ATRNL1: variants seen among roughly 807,000 people sequenced by gnomAD.
The protein encoded by ATRNL1 is attractin-like protein 1.
A neutral mutation model predicts 182.7 loss-of-function variants in ATRNL1; 95 were observed. The observed-to-expected ratio is 0.52, with a 90% CI of 0.44 to 0.62. The LOEUF (loss-of-function observed/expected upper bound fraction) is 0.62. Among genes scored for constraint, ATRNL1 ranks in the 20% least tolerant of loss-of-function variants. ATRNL1 has a pLI of 0.00. For synonymous variants in ATRNL1, 576 were observed against 568.3 expected, an observed-to-expected ratio of 1.01 and a Z score of -0.19; for missense variants, 1,471 against 1,679.5, an observed-to-expected ratio of 0.88 and a Z score of 2.17.
intron 27 of ATRNL1, among the ~76,000 whole-genome samples, chr10:115,772,008 T>C (rs555808507): frequency 2.7e-4 from 41 of 152,328 alleles, no homozygotes; most frequent in Admixed American, 1.7e-3. Flanking sequence ...CTGAACATAT[T>C]GAACACCATC....
At chr10:115,499,240 A>G (rs377410583) in intron 24 of ATRNL1, among the ~76,000 whole-genome samples, 1 of 152,190 alleles carries the variant, frequency 6.6e-6, no homozygotes, top group Non-Finnish European at 1.5e-5. Context: ...TCAAGAAATT[A>G]TACTCTTCAA....
rs556820913 is a variant in ATRNL1, at chr10:115,898,221, G to A, written c.4019-46437G>A. Among the ~76,000 whole-genome samples, 134 of 152,206 alleles carry A rather than the reference G, an allele frequency of 8.8e-4. 2 individuals carry two copies. The highest frequency in any genetic ancestry group is 4.0e-4 in the Non-Finnish European group (27 of 68,008). ...ATTACAGGCATGAGCCACTATGCCC[G>A]GTCCCCTTTTATTTCTTTGATAGGT... On this transcript the variant is annotated intron_variant, in intron 28 of 28. Transcript: ENST00000355044.
In ATRNL1 at chr10:115,156,039, C is replaced by T. The variant is rs782779379; in HGVS notation, c.830-4001C>T. On this transcript the variant is annotated intron_variant, in intron 5 of 28. Transcript: ENST00000355044. ...GGACTAGAGTAAGATCTTGATGTGC[C>T]GTGTTGTGCCAGGCATTACCCCTCT... 3.3e-5 allele frequency among the ~76,000 whole-genome samples: 5 copies of T among 152,026 alleles called. No individual in the cohort carries two copies. The East Asian group carries it at 5.8e-4, about 18-fold the overall frequency.
At chr10:115,881,073 C>T (rs1225361463) in intron 28 of ATRNL1, among the ~76,000 whole-genome samples, 7 of 152,178 alleles carry the variant, frequency 4.6e-5, no homozygotes, top group African/African-American at 1.4e-4. Flanking sequence ...GCCCTCAATG[C>T]GTGGCCTGTC....
chr10:115,253,782 T>C (rs892342493), intron 10 of ATRNL1, among the ~76,000 whole-genome samples: 33 of 152,152 alleles, frequency 2.2e-4, no homozygotes, highest in African/African-American at 7.9e-4. Context: ...ATGCTATCCA[T>C]CCCCAGGCCC....
intron 21 of ATRNL1, among the ~76,000 whole-genome samples, chr10:115,461,070 A>G (rs1847772748): frequency 6.6e-6 from 1 of 152,158 alleles, no homozygotes; most frequent in South Asian, 2.1e-4. Flanking sequence ...ATGCCTTAAT[A>G]GTTTTAAAAA....
At chr10:115,403,793 T>C (rs1844695817) in intron 20 of ATRNL1, among the ~76,000 whole-genome samples, 1 of 152,236 alleles carries the variant, frequency 6.6e-6, no homozygotes. Context: ...GGTTGTTTTG[T>C]TGCTGTATTT....
At chr10:115,356,989 T>C (rs1320203080) in intron 19 of ATRNL1, among the ~76,000 whole-genome samples, 5 of 151,926 alleles carry the variant, frequency 3.3e-5, no homozygotes, top group African/African-American at 1.2e-4. Context: ...GAAACTATTA[T>C]TTTGTCTAAG....
intron 24 of ATRNL1, 56 bp from the exon 25 acceptor site, chr10:115,519,207 C>A: frequency 7.2e-7 from 1 of 1,383,430 alleles, no homozygotes; most frequent in South Asian, 1.2e-5. Context: ...CATGAAATAT[C>A]ACCACAGGTT....
At chr10:115,106,356 T>TA (rs1455232258) in intron 1 of ATRNL1, among the ~76,000 whole-genome samples, 7 of 152,170 alleles carry the variant, frequency 4.6e-5, no homozygotes, top group Admixed American at 1.3e-4. Context: ...TACAGGCTCA[T>TA]AAATGGAAAA....
In ATRNL1 at chr10:115,564,208, A is replaced by G. The variant is rs549047095; in HGVS notation, c.3795+14672A>G. On this transcript the variant is annotated intron_variant, in intron 26 of 28. Coordinates refer to ENST00000355044, the MANE Select transcript of ATRNL1 (RefSeq NM_207303.4). ...ACCATTATTAGAGTATATTGAATGA[A>G]CATGGTATTAGATTCATGCATGAAT... is the stretch of plus-strand genomic sequence containing the variant. 2.0e-5 allele frequency among the ~76,000 whole-genome samples: 3 copies of G among 152,218 alleles called. No homozygotes were observed. In the South Asian group the frequency reaches 6.2e-4, roughly 31 times the overall value.
At chr10:115,730,475 T>C (rs1947763183) in intron 27 of ATRNL1, among the ~76,000 whole-genome samples, 2 of 152,232 alleles carry the variant, frequency 1.3e-5, no homozygotes, top group East Asian at 3.9e-4. Context: ...ATGATCTCCA[T>C]TTTCTTTTTG....
chr10:115,157,288 T>G (rs1267200975), intron 5 of ATRNL1, among the ~76,000 whole-genome samples: 1 of 151,844 alleles, frequency 6.6e-6, no homozygotes, highest in East Asian at 1.9e-4. Context: ...ATATTAGTAT[T>G]AGCTGTTTAA....
intron 20 of ATRNL1, among the ~76,000 whole-genome samples, chr10:115,397,502 G>C (rs1844347542): frequency 6.6e-6 from 1 of 151,974 alleles, no homozygotes; most frequent in South Asian, 2.1e-4. Flanking sequence ...CTTTTGGGGG[G>C]ACCATTGCAA....
intron 5 of ATRNL1, among the ~76,000 whole-genome samples, chr10:115,149,373 T>A (rs111761183): frequency 5.3e-4 from 80 of 152,150 alleles, no homozygotes; most frequent in Middle Eastern, 3.4e-3. Context: ...TTGGGGCTGT[T>A]TTTTTTTAAA....
At chr10:115,410,295 GA>G (rs1168531378) in intron 20 of ATRNL1, among the ~76,000 whole-genome samples, 2 of 150,872 alleles carry the variant, frequency 1.3e-5, no homozygotes, top group Non-Finnish European at 2.9e-5. Flanking sequence ...GGAGATTTCA[GA>G]AAGTTTAGCC....
intron 9 of ATRNL1, among the ~76,000 whole-genome samples, chr10:115,230,048 A>G (rs543300848): frequency 6.6e-6 from 1 of 152,136 alleles, no homozygotes; most frequent in Admixed American, 6.6e-5. Flanking sequence ...TTTTCATTGC[A>G]TGTTTTTACC....
chr10:115,532,715 G>T (rs1439205935), intron 25 of ATRNL1, among the ~76,000 whole-genome samples: 2 of 150,512 alleles, frequency 1.3e-5, no homozygotes, highest in East Asian at 2.0e-4. Flanking sequence ...GTTTTCAAAG[G>T]GAATGCTTCC....
intron 27 of ATRNL1, among the ~76,000 whole-genome samples, chr10:115,806,339 G>T (rs1949919287): frequency 6.6e-6 from 1 of 152,062 alleles, no homozygotes; most frequent in Admixed American, 6.6e-5. Flanking sequence ...TATATTTTTA[G>T]TATCCAAAGT....
Sources: allele counts gnomAD v4.1 joint callset (sites outside exome capture counted in the v4.1 genomes callset), GRCh38; gene constraint gnomAD v4.1.1; transcripts MANE v1.5; gene names NCBI Gene and HGNC (gene_info 2026-07-23, HGNC 2026-07-21).